RAMP3: variants seen among roughly 807,000 people sequenced by gnomAD.
RAMP3 encodes receptor activity modifying protein 3.
RAMP3 carries 14 observed loss-of-function variants against 13.5 expected under a neutral mutation model. That is an observed-to-expected ratio of 1.04 (90% CI 0.69 to 1.63). RAMP3 has a LOEUF of 1.63. RAMP3 is among the 40% of genes most tolerant of loss of function. The pLI is 0.00. For synonymous variants in RAMP3, 106 were observed against 88.3 expected (o/e 1.20, Z -1.12); for missense variants, 200 against 204.8 (o/e 0.98, Z 0.14).
intron 1 of RAMP3, among the ~76,000 whole-genome samples, chr7:45,160,547 A>G (rs1785845732): frequency 6.6e-6 from 1 of 151,880 alleles, no homozygotes; most frequent in South Asian, 2.1e-4. Context: ...CCCAGAATCC[A>G]CAGCCTCCCA....
At chr7:45,159,303 A>G (rs1437611982) in intron 1 of RAMP3, among the ~76,000 whole-genome samples, 1 of 152,186 alleles carries the variant, frequency 6.6e-6, no homozygotes, top group Admixed American at 6.5e-5. Flanking sequence ...AGGGAGAGGT[A>G]AAACTTGCTC....
At chr7:45,174,114 A>G (rs1330802123) in intron 1 of RAMP3, among the ~76,000 whole-genome samples, 1 of 152,058 alleles carries the variant, frequency 6.6e-6, no homozygotes, top group African/African-American at 2.4e-5. Flanking sequence ...TGGCTGGAGG[A>G]GTGAGCCAGG....
At chr7:45,158,320 G>T (rs768842749) in intron 1 of RAMP3, among the ~76,000 whole-genome samples, 3 of 152,170 alleles carry the variant, frequency 2.0e-5, no homozygotes, top group Non-Finnish European at 4.4e-5. Flanking sequence ...ACTCACAGGG[G>T]CGTGGGCGGG....
intron 1 of RAMP3, among the ~76,000 whole-genome samples, chr7:45,160,531 G>T (rs1181694136): frequency 6.6e-6 from 1 of 151,876 alleles, no homozygotes; most frequent in East Asian, 1.9e-4. Context: ...ACCAGGGGCA[G>T]AACCGCCCAG....
chr7:45,158,002 G>C (rs1785792632), intron 1 of RAMP3, 116 bp downstream of exon 1: 6 of 1,028,420 alleles, frequency 5.8e-6, no homozygotes, highest in African/African-American at 1.7e-5. Context: ...CCCGGAGCTC[G>C]GGAGGGGCGC....
rs202162694 is a variant in RAMP3, at chr7:45,166,958, C to CTTTTTTTTTTTTT, written c.58+9077_58+9089dup. Among the ~76,000 whole-genome samples, 25 of 101,240 alleles carry CTTTTTTTTTTTTT rather than the reference C, an allele frequency of 2.5e-4. 2 individuals carry two copies. Among genetic ancestry groups the CTTTTTTTTTTTTT allele is most frequent in the African/African-American group, 5.0e-4 (11 of 22,064 alleles). The allele number at this position is 101,240 out of a possible 152,430, so 66.4% of individuals were successfully genotyped here. On this transcript the variant is annotated intron_variant, in intron 1 of 2. Coordinates refer to ENST00000242249, the MANE Select transcript of RAMP3 (RefSeq NM_005856.3). ...TAGCTCTACATGTAGGTCTTTGATG[C>CTTTTTTTTTTTTT]TTTTTTTTTTTTTTTTTGAGACAGA...
Position 45,177,420 on chromosome 7 carries a change from G to C in RAMP3, c.170G>C (p.Cys57Ser). 2.5e-6 allele frequency: 4 copies of C among 1,614,088 alleles called. No homozygotes were observed. The highest frequency in any genetic ancestry group is 3.4e-6 in the Non-Finnish European group (4 of 1,179,966). Residue 57 changes from cysteine to serine, a missense_variant, in exon 2 of 3, where the codon TGC becomes TCC. Physicochemically the swap from Cys to Ser is moderately radical, Grantham distance 112 (BLOSUM62 -1). Transcript: ENST00000242249. ...GGCAAGGTGGACGTCTGGAAGTGGT[G>C]CAACCTGTCCGAGTTCATCGTGTGA... ...MMGKVDVWKW[C>S]NLSEFIVYYE... is the part of the protein sequence containing the mutation.
At chr7:45,177,675 C>T (rs372085255) in intron 2 of RAMP3, among the ~76,000 whole-genome samples, 1 of 152,124 alleles carries the variant, frequency 6.6e-6, no homozygotes, top group East Asian at 1.9e-4. Context: ...ACCCACATCC[C>T]CCTGGCACAT....
chr7:45,169,420 T>G (rs2128656544), intron 1 of RAMP3, among the ~76,000 whole-genome samples: 1 of 152,348 alleles, frequency 6.6e-6, no homozygotes, highest in East Asian at 1.9e-4. Flanking sequence ...TTGGGAGAAA[T>G]TTTAAAATTA....
chr7:45,165,621 A>G (rs1454695866), intron 1 of RAMP3, among the ~76,000 whole-genome samples: 3 of 152,216 alleles, frequency 2.0e-5, no homozygotes, highest in Non-Finnish European at 4.4e-5. Context: ...TTTTGCAACC[A>G]TCACTATACT....
At position 45,183,336 on chromosome 7, in the gene RAMP3, T is replaced by C. The variant is rs1437677004; in HGVS notation, c.371T>C (p.Val124Ala). Residue 124 changes from valine (V) to alanine (A), a missense_variant, in exon 3 of 3, where the codon GTT (valine) becomes GCT (alanine). Physicochemically the swap from Val to Ala is moderately conservative, Grantham distance 64. Coordinates refer to ENST00000242249, the MANE Select transcript of RAMP3 (RefSeq NM_005856.3). ...GACGAGGTTCTCATCCCGCTGATCG[T>C]TATACCCGTCGTTCTGACTGTCGCC... ...PPDEVLIPLI[V>A]IPVVLTVAMA... is the part of the protein sequence containing the mutation. 5 of 1,613,922 alleles carry C rather than the reference T, an allele frequency of 3.1e-6. No homozygotes were observed. In the African/African-American group the frequency reaches 5.3e-5, roughly 17 times the overall value.
intron 1 of RAMP3, among the ~76,000 whole-genome samples, chr7:45,168,575 C>T (rs1031496860): frequency 6.6e-6 from 1 of 151,986 alleles, no homozygotes; most frequent in Non-Finnish European, 1.5e-5. Flanking sequence ...ATTGCTAGTG[C>T]ACAGAAATAC....
At chr7:45,158,636 C>G (rs982871655) in intron 1 of RAMP3, among the ~76,000 whole-genome samples, 1 of 151,820 alleles carries the variant, frequency 6.6e-6, no homozygotes, top group Non-Finnish European at 1.5e-5. Flanking sequence ...GGGCTGGGGT[C>G]CACTGAGTGG....
intron 1 of RAMP3, among the ~76,000 whole-genome samples, chr7:45,158,510 A>T (rs976358741): frequency 2.0e-5 from 3 of 152,258 alleles, no homozygotes; most frequent in Admixed American, 6.5e-5. Flanking sequence ...ATGGAAATAG[A>T]TTAAACTAAA....
intron 2 of RAMP3, among the ~76,000 whole-genome samples, 172 bp from the exon 3 acceptor site, chr7:45,182,985 A>G (rs920408901): frequency 6.6e-6 from 1 of 152,252 alleles, no homozygotes; most frequent in East Asian, 1.9e-4. Context: ...GGAATGGGTC[A>G]TGGGCACAGA....
At position 45,183,162 on chromosome 7, in the gene RAMP3, A is replaced by C; in HGVS notation, c.197A>C (p.Tyr66Ser). 6.2e-7 allele frequency: 1 copy of C among 1,610,694 alleles called. No individual in the cohort carries two copies. The highest frequency in any genetic ancestry group is 8.5e-7 in the Non-Finnish European group (1 of 1,179,908). The stretch of plus-strand genomic sequence containing the variant: ...CACCCCCTCTGCTTTTGCAGGTACT[A>C]TGAGAGTTTCACCAACTGCACCGAG... ...WCNLSEFIVY[Y>S]ESFTNCTEME... The change falls in exon 3 of 3, where the codon TAT becomes TCT. Residue 66 changes from tyrosine (Y) to serine (S), a missense_variant. Tyr to Ser is a moderately radical substitution (Grantham distance 144). Coordinates refer to ENST00000242249, the MANE Select transcript of RAMP3 (RefSeq NM_005856.3).
In RAMP3 at chr7:45,157,890, A is replaced by AG; in HGVS notation, c.58+9dup. 1 of 1,373,222 alleles carries AG rather than the reference A, an allele frequency of 7.3e-7. No individual in the cohort carries two copies. The highest frequency in any genetic ancestry group is 1.7e-5 in the South Asian group (1 of 57,494). The allele number at this position is 1,373,222 out of a possible 1,614,324, so 85.1% of individuals were successfully genotyped here. A position where few individuals can be genotyped will look rare whatever the true frequency, so the allele number is the denominator to read the frequency against. On this transcript the variant is annotated splice_donor_region_variant and intron_variant, in intron 1 of 2. Coordinates refer to ENST00000242249, the MANE Select transcript of RAMP3 (RefSeq NM_005856.3). ...CCGTTGCTGCTGCTGCTCTGCGGTA[A>AG]GGGGGCGACGGCCCGCACCGGGGGC... is the stretch of plus-strand genomic sequence containing the variant.
At chr7:45,180,557 C>T (rs571062521) in intron 2 of RAMP3, among the ~76,000 whole-genome samples, 10 of 152,356 alleles carry the variant, frequency 6.6e-5, no homozygotes, top group Admixed American at 5.2e-4. Context: ...CATTGCCCCT[C>T]GGGGCAACCA....
intron 1 of RAMP3, among the ~76,000 whole-genome samples, chr7:45,160,399 G>A (rs1283482582): frequency 8.2e-6 from 1 of 122,630 alleles, no homozygotes; most frequent in South Asian, 2.9e-4. Flanking sequence ...TGGCCAAGAA[G>A]AGGCCCATAG....
Sources: gnomAD v4.1 joint callset for allele counts (sites outside exome capture counted in the v4.1 genomes callset) on GRCh38, gnomAD v4.1.1 for gene constraint, MANE v1.5 for transcripts, NCBI Gene and HGNC (gene_info 2026-07-23, HGNC 2026-07-21) for gene names.